ABCA3: variants seen among roughly 807,000 people sequenced by gnomAD.
ABCA3 encodes the protein phospholipid-transporting ATPase ABCA3.
ABCA3 carries 88 observed loss-of-function variants against 172.8 expected under a neutral mutation model. That is an observed-to-expected ratio of 0.51 (90% CI 0.43 to 0.61). The LOEUF is 0.61. Among genes scored for constraint, ABCA3 ranks in the 20% least tolerant of loss-of-function variants. The pLI, the probability that ABCA3 is intolerant of heterozygous loss-of-function variation, is 0.00. For missense variants in ABCA3, 2,164 were observed against 2,301.0 expected, an observed-to-expected ratio of 0.94 and a Z score of 1.22; for synonymous variants, 1,066 against 983.8, an observed-to-expected ratio of 1.08 and a Z score of -1.56.
chr16:2,288,012 G>C lies in ABCA3; in HGVS notation c.3004+14C>G, dbSNP rs758660922. On this transcript the variant is annotated intron_variant, in intron 21 of 32. Transcript: ENST00000301732. ...CCCCCGATGCCCCCGTCCCGCCCCC[G>C]GGATGCCCCTTACCGAGCACCTCGC... 1 of 1,601,292 alleles carries C rather than the reference G, an allele frequency of 6.2e-7. No individual in the cohort carries two copies. Among genetic ancestry groups the C allele is most frequent in the Non-Finnish European group, 8.5e-7 (1 of 1,179,592 alleles).
At chr16:2,303,900 T>A in intron 12 of ABCA3, 69 bp downstream of exon 12, 1 of 1,566,228 alleles carries the variant, frequency 6.4e-7, no homozygotes, top group South Asian at 1.1e-5. Context: ...GAGGGGTCCC[T>A]GAGCAGGTAC....
chr16:2,327,147 C>T (rs557395726), intron 3 of ABCA3, among the ~76,000 whole-genome samples: 139 of 152,262 alleles, frequency 9.1e-4, no homozygotes, highest in African/African-American at 3.1e-3. Flanking sequence ...CAGGGTCCTG[C>T]TCTGTTGCCC....
intron 7 of ABCA3, among the ~76,000 whole-genome samples, chr16:2,320,524 G>C (rs931311415): frequency 4.0e-5 from 6 of 151,586 alleles, no homozygotes; most frequent in Admixed American, 3.9e-4. Flanking sequence ...CGAATAGCTG[G>C]GATTACAGGT....
intron 7 of ABCA3, 80 bp from the exon 8 acceptor site, chr16:2,319,920 T>C (rs2093723187): frequency 6.3e-6 from 10 of 1,585,634 alleles, no homozygotes; most frequent in Admixed American, 5.0e-5. Context: ...ATGGGGTCCA[T>C]GGGGGAAGAG....
At chr16:2,316,979 A>G (rs902165101) in intron 10 of ABCA3, among the ~76,000 whole-genome samples, 1 of 152,226 alleles carries the variant, frequency 6.6e-6, no homozygotes, top group East Asian at 1.9e-4. Flanking sequence ...ATGATCTTCA[A>G]CGTAACTGTC....
intron 7 of ABCA3, among the ~76,000 whole-genome samples, chr16:2,320,985 CTT>C (rs368507865): frequency 8.8e-5 from 12 of 135,982 alleles, no homozygotes; most frequent in African/African-American, 1.1e-4. Context: ...CTGCTATGTG[CTT>C]TTTTTTTTTT....
chr16:2,294,179 G>A (rs1348970321), intron 18 of ABCA3, among the ~76,000 whole-genome samples: 8 of 150,524 alleles, frequency 5.3e-5, no homozygotes, highest in South Asian at 2.1e-4. Context: ...CACCACGCCC[G>A]GCTAATTTTT....
rs746805427 is a variant in ABCA3 at position 2,326,112 on chromosome 16, G to T, written c.217C>A (p.Pro73Thr). The T allele has an allele frequency of 6.2e-7, 1 of 1,614,168 alleles. No homozygotes were observed. The highest frequency in any genetic ancestry group is 2.2e-5 in the East Asian group (1 of 44,876). Residue 73 changes from proline (P) to threonine (T), a missense_variant, in exon 5 of 33, where the codon CCG (proline) becomes ACG (threonine). Transcript: ENST00000301732. ...GCAAGCTCCCAGGTGTCTCCTGGCGGAGGGAAGGTGAAGAACAGAGGCAGC... is the reference window on the plus strand; with the variant it reads ...GCAAGCTCCCAGGTGTCTCCTGGCGTAGGGAAGGTGAAGAACAGAGGCAGC... ...QELPLFFTFP[P>T]PGDTWELAYI...
rs1462200632 is a variant in ABCA3, at chr16:2,278,185, G to A, written c.4718+103C>T. The A allele has an allele frequency of 1.0e-5, 16 of 1,594,880 alleles. No individual in the cohort carries two copies. The highest frequency in any genetic ancestry group is 2.7e-5 in the African/African-American group (2 of 74,720). ...GATACCCATGCTCAGTGTGGCTCAC[G>A]GGCAGACTCTGCACCAGATGCTGAT... On this transcript the variant is annotated intron_variant, in intron 30 of 32. Transcript: ENST00000301732. This position sits in a 1 kb window ranked among gnomAD's most constrained non-coding sequence, Gnocchi z 4.4.
Position 2,321,555 on chromosome 16 carries a change from G to A in ABCA3, c.614-1715C>T, listed in dbSNP as rs147804495. 8.1e-4 allele frequency among the ~76,000 whole-genome samples: 123 copies of A among 152,260 alleles called. 4 individuals are homozygous for A. In the East Asian group the frequency reaches 0.022, roughly 27 times the overall value. On this transcript the variant is annotated intron_variant, in intron 7 of 32. Coordinates refer to ENST00000301732, the MANE Select transcript of ABCA3 (RefSeq NM_001089.3). ...AATACGACGTTCTCCAGAACACCCT[G>A]GACTTCCACCCAGAACCTGCAGTGG...
At chr16:2,296,859 G>A (rs1002710486) in intron 17 of ABCA3, among the ~76,000 whole-genome samples, 7 of 152,316 alleles carry the variant, frequency 4.6e-5, no homozygotes, top group African/African-American at 1.2e-4. Context: ...GCTCCACCCC[G>A]TTGGAATGTG....
At position 2,299,448 on chromosome 16, in the gene ABCA3, C is replaced by G; in HGVS notation, c.1696G>C (p.Gly566Arg). The change falls in exon 14 of 33, where the codon GGC becomes CGC. Residue 566 changes from glycine (G) to arginine (R), a missense_variant. Physicochemically the swap from Gly to Arg is moderately radical, Grantham distance 125. This residue lies in a region of ABCA3 where 1,343 missense variants were observed against 1,369.6 expected (regional missense o/e 0.98). Transcript: ENST00000301732. The part of the protein sequence containing the change: ...LYEGQITVLL[G>R]HNGAGKTTTL... ...GTGGTCTTCCCGGCACCGTTGTGGC[C>G]CAGCAGGACGGTGATCTGTCCCTCG... The G allele has an allele frequency of 6.2e-7, 1 of 1,613,876 alleles. No individual in the cohort carries two copies. The highest frequency in any genetic ancestry group is 1.7e-4 in the Middle Eastern group (1 of 6,060).
In ABCA3 at chr16:2,283,224, T is replaced by C. The variant is rs766255427; in HGVS notation, c.3997A>G (p.Arg1333Gly). 2 of 1,613,334 alleles carry C rather than the reference T, an allele frequency of 1.2e-6. No homozygotes were observed. The highest frequency in any genetic ancestry group is 1.1e-5 in the South Asian group (1 of 91,076). Residue 1333 changes from arginine (R) to glycine (G), a missense_variant, in exon 26 of 33, where the codon AGG (arginine) becomes GGG (glycine). This residue lies in a region of ABCA3 where 795 missense variants were observed against 881.9 expected (regional missense o/e 0.90). Transcript: ENST00000301732. This position sits in a 1 kb window ranked among gnomAD's most constrained non-coding sequence, Gnocchi z 5.4. ...LIETNLLQRLRGILCALRRRR... is the reference protein window; with the variant it reads ...LIETNLLQRLGGILCALRRRR... ...CTCCGGAGGGCGCAGAGGATGCCCC[T>C]GAGTCTCTGAAGCAGGTTGGTCTCG...
At chr16:2,303,517 A>T (rs940877016) in intron 12 of ABCA3, among the ~76,000 whole-genome samples, 4 of 151,600 alleles carry the variant, frequency 2.6e-5, no homozygotes, top group African/African-American at 7.3e-5. Context: ...TGATCCACCC[A>T]CCTTGGCCTC....
intron 1 of ABCA3, among the ~76,000 whole-genome samples, chr16:2,337,535 G>C (rs950617123): frequency 6.6e-6 from 1 of 150,652 alleles, no homozygotes; most frequent in Non-Finnish European, 1.5e-5. Context: ...CACCATGCCC[G>C]GCTAATTGTT....
intron 7 of ABCA3, among the ~76,000 whole-genome samples, 172 bp from the exon 8 acceptor site, chr16:2,320,012 C>T (rs891169177): frequency 6.6e-6 from 1 of 152,098 alleles, no homozygotes; most frequent in Non-Finnish European, 1.5e-5. Context: ...GGAAACGCAC[C>T]ACACACTGAC....
At chr16:2,333,834 G>A (rs926380492) in intron 1 of ABCA3, among the ~76,000 whole-genome samples, 17 of 151,884 alleles carry the variant, frequency 1.1e-4, no homozygotes, top group Admixed American at 3.3e-4. Context: ...GATTACAGGC[G>A]TGCGCCACCA....
intron 28 of ABCA3, among the ~76,000 whole-genome samples, chr16:2,280,216 T>C (rs1266215709): frequency 5.9e-5 from 9 of 152,246 alleles, no homozygotes; most frequent in Admixed American, 4.6e-4. Context: ...CTCCCCTGCA[T>C]AGATTTTCAA....
At chr16:2,329,879 AGT>A (rs1238274284) in intron 1 of ABCA3, 25 bp from the exon 2 acceptor site, 8 of 152,240 alleles carry the variant, frequency 5.3e-5, no homozygotes, top group African/African-American at 1.9e-4. Flanking sequence ...AAGGTGTTTG[AGT>A]GTAATTTGGA....
Sources: gnomAD v4.1 joint callset for allele counts (sites outside exome capture counted in the v4.1 genomes callset) on GRCh38, gnomAD v4.1.1 for gene constraint, gnomAD v4.1.1 regional missense constraint, Gnocchi (gnomAD v3.1) non-coding constraint, MANE v1.5 for transcripts, NCBI Gene and HGNC (gene_info 2026-07-23, HGNC 2026-07-21) for gene names.